MYCBP2: variants seen among roughly 807,000 people sequenced by gnomAD.
MYCBP2 encodes the protein E3 ubiquitin-protein ligase MYCBP2.
MYCBP2 carries 120 observed loss-of-function variants against 525.3 expected under a neutral mutation model. The ratio of observed to expected loss-of-function variants is 0.23; its 90% CI spans 0.20 to 0.27. MYCBP2 has a LOEUF of 0.27. Among genes scored for constraint, MYCBP2 ranks in the 10% least tolerant of loss-of-function variants. The pLI, the probability that MYCBP2 is intolerant of heterozygous loss-of-function variation, is 1.00. For missense variants in MYCBP2, 4,149 were observed against 5,657.1 expected (o/e 0.73, Z 8.55); for synonymous variants, 1,894 against 1,955.8 (o/e 0.97, Z 0.83).
At chr13:77,239,986 T>C (rs2068564633) in intron 17 of MYCBP2, among the ~76,000 whole-genome samples, 1 of 152,084 alleles carries the variant, frequency 6.6e-6, no homozygotes, top group Non-Finnish European at 1.5e-5. Context: ...AAGAAGAAAA[T>C]AAAAAATATC....
intron 15 of MYCBP2, among the ~76,000 whole-genome samples, chr13:77,248,825 C>G (rs908139721): frequency 3.9e-5 from 6 of 152,138 alleles, no homozygotes; most frequent in African/African-American, 1.4e-4. Context: ...ATCTTCACAG[C>G]GCATTACTCA....
rs1020344151 is a variant in MYCBP2 at position 77,189,102 on chromosome 13, C to A, written c.4155-55G>T. Reference sequence around the variant, plus strand: ...GTTAGAAAGTCCAATGTCATTTTTTCTTTTTAAAGTATATTATACATTTTT... The same window carrying A: ...GTTAGAAAGTCCAATGTCATTTTTTATTTTTAAAGTATATTATACATTTTT... On this transcript the variant is annotated intron_variant, in intron 29 of 82. Transcript: ENST00000544440. 21 of 1,304,136 alleles carry A rather than the reference C, an allele frequency of 1.6e-5. No individual in the cohort carries two copies. In the South Asian group the frequency reaches 2.8e-4, roughly 17 times the overall value. The allele number at this position is 1,304,136 out of a possible 1,614,324, so 80.8% of individuals were successfully genotyped here. A position where few individuals can be genotyped will look rare whatever the true frequency, so the allele number is the denominator to read the frequency against.
intron 3 of MYCBP2, 132 bp from the exon 4 acceptor site, chr13:77,279,043 T>C: frequency 2.0e-6 from 1 of 500,460 alleles, no homozygotes; most frequent in African/African-American, 2.0e-5. Context: ...TAATAAAACA[T>C]CATGAAAATG....
chr13:77,082,050 G>A lies in MYCBP2; in HGVS notation c.11037-57C>T, dbSNP rs59485801. 1,855 of 1,518,348 alleles carry A rather than the reference G, an allele frequency of 1.2e-3. 36 individuals carry two copies. The East Asian group carries it at 0.036, about 29-fold the overall frequency. The allele number at this position is 1,518,348 out of a possible 1,614,324, so 94.1% of individuals were successfully genotyped here. A position where few individuals can be genotyped will look rare whatever the true frequency, so the allele number is the denominator to read the frequency against. On this transcript the variant is annotated intron_variant, in intron 63 of 82. Coordinates refer to ENST00000544440, the MANE Select transcript of MYCBP2 (RefSeq NM_015057.5). ...ATAATTATTTTCCAGGAACATCTAA[G>A]GAACTCTTAGATGAGTACTCTGTAG...
intron 68 of MYCBP2, among the ~76,000 whole-genome samples, 166 bp from the exon 69 acceptor site, chr13:77,070,877 T>C (rs1220396542): frequency 1.3e-5 from 2 of 152,158 alleles, no homozygotes; most frequent in African/African-American, 2.4e-5. Flanking sequence ...AGGATAAAGT[T>C]TGAAATAAAA....
intron 3 of MYCBP2, among the ~76,000 whole-genome samples, chr13:77,282,877 A>T (rs2076342705): frequency 6.6e-6 from 1 of 152,144 alleles, no homozygotes. Context: ...TAGCCAATTT[A>T]TTACTAATTC....
At position 77,050,768 on chromosome 13, in the gene MYCBP2, C is replaced by T. The variant is rs2036631514; in HGVS notation, c.13921+229G>A. 2.6e-5 allele frequency among the ~76,000 whole-genome samples: 4 copies of T among 152,144 alleles called. 1 individual carries two copies. The highest frequency in any genetic ancestry group is 4.1e-4 in the South Asian group (2 of 4,830). ...CAATCCTTAGTAGACTTCATTCTCA[C>T]TCCCCATGAGATCTGCTCCGTCACA... is the stretch of plus-strand genomic sequence containing the variant. On this transcript the variant is annotated intron_variant, in intron 82 of 82. Transcript: ENST00000544440.
intron 14 of MYCBP2, among the ~76,000 whole-genome samples, chr13:77,256,669 C>G (rs552220693): frequency 6.6e-6 from 1 of 152,198 alleles, no homozygotes; most frequent in Admixed American, 6.5e-5. Flanking sequence ...CAAATCAAAA[C>G]TACACTGAGA....
chr13:77,297,052 C>T (rs983174859), intron 1 of MYCBP2, among the ~76,000 whole-genome samples: 13 of 152,084 alleles, frequency 8.5e-5, no homozygotes, highest in Admixed American at 5.2e-4. Context: ...GTGAGGGCTA[C>T]GGTGCAAAGG....
At chr13:77,251,475 A>T in intron 14 of MYCBP2, 120 bp from the exon 15 acceptor site, 1 of 782,976 alleles carries the variant, frequency 1.3e-6, no homozygotes, top group Middle Eastern at 2.5e-4. Flanking sequence ...ATACAAAGAA[A>T]TGCTTAAATT....
At chr13:77,045,708 G>A (rs2035421700) in intron 82 of MYCBP2, among the ~76,000 whole-genome samples, 1 of 152,110 alleles carries the variant, frequency 6.6e-6, no homozygotes, top group South Asian at 2.1e-4. Context: ...AAGAAGTGAT[G>A]GGGTCCCTTA....
chr13:77,166,219 T>G, intron 41 of MYCBP2, 110 bp downstream of exon 41: 1 of 816,890 alleles, frequency 1.2e-6, no homozygotes, highest in South Asian at 2.0e-5. Context: ...TAGTAGGTCT[T>G]TAATAAATTT....
intron 14 of MYCBP2, among the ~76,000 whole-genome samples, chr13:77,251,648 A>T (rs2071224114): frequency 6.6e-6 from 1 of 152,140 alleles, no homozygotes; most frequent in Non-Finnish European, 1.5e-5. Context: ...CCTCACTACC[A>T]ACACTTTCAT....
intron 19 of MYCBP2, among the ~76,000 whole-genome samples, chr13:77,225,014 A>AC (rs1468263599): frequency 6.6e-6 from 1 of 152,220 alleles, no homozygotes; most frequent in Non-Finnish European, 1.5e-5. Flanking sequence ...GCAAAAGCTA[A>AC]CCCAAATGCC....
intron 74 of MYCBP2, 96 bp downstream of exon 74, chr13:77,062,500 G>A: frequency 2.0e-6 from 2 of 1,015,118 alleles, no homozygotes; most frequent in Non-Finnish European, 1.5e-6. Flanking sequence ...AACTGTTTAT[G>A]TTGATGTGTT....
chr13:77,099,048 A>C, intron 55 of MYCBP2, 35 bp from the exon 56 acceptor site: 1 of 1,583,944 alleles, frequency 6.3e-7, no homozygotes, highest in Non-Finnish European at 8.5e-7. Context: ...ACTTATTAAT[A>C]AAATTATAAC....
At chr13:77,228,691 T>G (rs2066681463) in intron 18 of MYCBP2, among the ~76,000 whole-genome samples, 2 of 147,186 alleles carry the variant, frequency 1.4e-5, no homozygotes, top group East Asian at 2.0e-4. Context: ...GATGAATATG[T>G]TGTGTGTGTG....
At chr13:77,261,049 GAT>G in intron 12 of MYCBP2, 120 bp downstream of exon 12, 18 of 697,230 alleles carry the variant, frequency 2.6e-5, no homozygotes, top group Non-Finnish European at 3.7e-5. Flanking sequence ...TCAAGTCAAT[GAT>G]ATATATATAA....
intron 52 of MYCBP2, among the ~76,000 whole-genome samples, chr13:77,135,239 G>A (rs1309674416): frequency 6.6e-6 from 1 of 152,106 alleles, no homozygotes; most frequent in Non-Finnish European, 1.5e-5. Flanking sequence ...ATATCTCCCA[G>A]CTTTCATTTT....
Sources: gnomAD v4.1 joint callset for allele counts (sites outside exome capture counted in the v4.1 genomes callset) on GRCh38, gnomAD v4.1.1 for gene constraint, MANE v1.5 for transcripts, NCBI Gene and HGNC (gene_info 2026-07-23, HGNC 2026-07-21) for gene names.